PDE1C: variants seen among roughly 807,000 people sequenced by gnomAD.
PDE1C encodes the protein phosphodiesterase 1C, also known as dual specificity calcium/calmodulin-dependent 3',5'-cyclic nucleotide phosphodiesterase 1C.
Under a neutral mutation model 93.1 loss-of-function variants are expected in PDE1C, and 62 were observed. That is an observed-to-expected ratio of 0.67 (90% CI 0.54 to 0.82). The LOEUF (loss-of-function observed/expected upper bound fraction) is 0.82, where lower values mean the gene tolerates loss of function less well. Ranked by LOEUF, PDE1C falls within the 40% of genes least tolerant of loss-of-function variation. PDE1C has a pLI of 0.00. For synonymous variants in PDE1C, 325 were observed against 310.1 expected, an observed-to-expected ratio of 1.05 and a Z score of -0.50; for missense variants, 742 against 884.6, an observed-to-expected ratio of 0.84 and a Z score of 2.04.
At chr7:31,652,553 CTA>C in the PDE1C span, 2 of 1,608,286 alleles carry the variant, frequency 1.2e-6, no homozygotes, top group African/African-American at 2.7e-5. Flanking sequence ...CACCTGAACA[CTA>C]TTCAAATCTG....
At chr7:32,026,497 C>G (rs146608547) in intron 2 of PDE1C, among the ~76,000 whole-genome samples, 1 of 152,102 alleles carries the variant, frequency 6.6e-6, no homozygotes, top group African/African-American at 2.4e-5. Flanking sequence ...CCTATTACAA[C>G]GGCCAAAATA....
At chr7:32,059,180 A>T (rs998039058) in intron 1 of PDE1C, among the ~76,000 whole-genome samples, 5 of 152,182 alleles carry the variant, frequency 3.3e-5, no homozygotes, top group Admixed American at 6.5e-5. Flanking sequence ...ATGTTTAGCC[A>T]AAAGTGATGG....
intron 2 of PDE1C, among the ~76,000 whole-genome samples, chr7:31,905,177 A>C (rs536898787): frequency 1.3e-5 from 2 of 152,282 alleles, no homozygotes; most frequent in Admixed American, 1.3e-4. Flanking sequence ...ATAAAAAGCA[A>C]ACAAGTCACA....
chr7:32,091,777 T>C (rs568989066), intron 3 of PDE1C, among the ~76,000 whole-genome samples: 1 of 152,298 alleles, frequency 6.6e-6, no homozygotes, highest in African/African-American at 2.4e-5. Flanking sequence ...ATTGCAAGAC[T>C]TGGAGCAGAG....
intron 3 of PDE1C, among the ~76,000 whole-genome samples, chr7:32,121,625 G>T (rs1483014491): frequency 6.6e-6 from 1 of 152,082 alleles, no homozygotes; most frequent in African/African-American, 2.4e-5. Flanking sequence ...TTCATGTCCA[G>T]CCAAACTAAG....
intron 11 of PDE1C, 122 bp downstream of exon 11, chr7:31,837,058 G>A: frequency 1.1e-6 from 1 of 884,220 alleles, no homozygotes; most frequent in Non-Finnish European, 1.7e-6. Flanking sequence ...AATCTGTGGA[G>A]CCCCCCTCCC....
In PDE1C at chr7:32,103,204, G is replaced by C. The variant is rs75425255; in HGVS notation, c.308+66581C>G. On this transcript the variant is annotated intron_variant, in intron 3 of 18. Transcript: ENST00000396193. ...CATTAGAGAGTGAGAAATTTCAACAGATATTTGGAAGCAGAAAAGGGAGGG... is the reference window on the plus strand; with the variant it reads ...CATTAGAGAGTGAGAAATTTCAACACATATTTGGAAGCAGAAAAGGGAGGG... 7.1e-3 allele frequency among the ~76,000 whole-genome samples: 1,075 copies of C among 152,306 alleles called. 16 individuals are homozygous for C. Among genetic ancestry groups the C allele is most frequent in the African/African-American group, 0.024 (978 of 41,570 alleles).
intron 1 of PDE1C, among the ~76,000 whole-genome samples, chr7:32,347,659 C>T (rs690247): frequency 0.8 from 121,791 of 152,170 alleles, 49,101 homozygotes; most frequent in Admixed American, 0.85. Context: ...GCTGCTATGT[C>T]AAGGAAGCTC....
chr7:32,117,968 G>A (rs1799077207), intron 3 of PDE1C, among the ~76,000 whole-genome samples: 1 of 152,184 alleles, frequency 6.6e-6, no homozygotes, highest in African/African-American at 2.4e-5. Context: ...TTACCCTAAA[G>A]GAAGCTTTAA....
the PDE1C span, among the ~76,000 whole-genome samples, chr7:31,684,427 A>G: frequency 6.6e-6 from 1 of 152,234 alleles, no homozygotes; most frequent in Non-Finnish European, 1.5e-5. Context: ...TGGACTTTAT[A>G]AAAATTTAAA....
At chr7:31,843,891 T>C (rs1792223143) in intron 9 of PDE1C, among the ~76,000 whole-genome samples, 2 of 151,810 alleles carry the variant, frequency 1.3e-5, no homozygotes, top group Admixed American at 6.6e-5. Flanking sequence ...TCTTTAGCTA[T>C]TATGGTTAAT....
At chr7:31,947,258 T>TAGCTTGGA (rs1434074711) in intron 2 of PDE1C, among the ~76,000 whole-genome samples, 2 of 152,196 alleles carry the variant, frequency 1.3e-5, no homozygotes, top group African/African-American at 4.8e-5. Flanking sequence ...GACCCATCTG[T>TAGCTTGGA]AGCTTGGAGA....
chr7:31,651,262 G>A, the PDE1C span: 5 of 1,612,978 alleles, frequency 3.1e-6, no homozygotes, highest in African/African-American at 5.3e-5. Context: ...CATGTCAGAG[G>A]AGGAAAGGTA....
intron 2 of PDE1C, among the ~76,000 whole-genome samples, chr7:31,889,448 T>C (rs983389655): frequency 6.6e-6 from 1 of 152,252 alleles, no homozygotes; most frequent in African/African-American, 2.4e-5. Flanking sequence ...TACATGTGAT[T>C]GTTCCATTCC....
chr7:32,329,380 A>G (rs1040058812), intron 1 of PDE1C, among the ~76,000 whole-genome samples: 4 of 152,110 alleles, frequency 2.6e-5, no homozygotes, highest in African/African-American at 4.8e-5. Context: ...GGCACCTATT[A>G]TGGAGGCGAT....
At chr7:32,174,210 C>T (rs1802834671) in intron 2 of PDE1C, among the ~76,000 whole-genome samples, 1 of 152,054 alleles carries the variant, frequency 6.6e-6, no homozygotes. Context: ...GAAGGCCTTA[C>T]AAAAAAGTTC....
At chr7:32,163,444 C>T (rs879504227) in intron 3 of PDE1C, among the ~76,000 whole-genome samples, 3 of 152,216 alleles carry the variant, frequency 2.0e-5, no homozygotes, top group Non-Finnish European at 4.4e-5. Flanking sequence ...TGGGATCTGA[C>T]AAGGCCTTAA....
chr7:32,069,735 C>A (rs569165393), intron 1 of PDE1C, among the ~76,000 whole-genome samples: 1 of 152,100 alleles, frequency 6.6e-6, no homozygotes, highest in South Asian at 2.1e-4. Flanking sequence ...ATCGTTTCTG[C>A]CCCCCCTTTC....
At chr7:31,639,908 T>G in the PDE1C span, among the ~76,000 whole-genome samples, 7 of 152,208 alleles carry the variant, frequency 4.6e-5, no homozygotes, top group Non-Finnish European at 1.0e-4. Flanking sequence ...CTTAGGGTGG[T>G]TTCAATTGAT....
Sources: gnomAD v4.1 joint callset for allele counts (sites outside exome capture counted in the v4.1 genomes callset) on GRCh38, gnomAD v4.1.1 for gene constraint, MANE v1.5 for transcripts, NCBI Gene and HGNC (gene_info 2026-07-23, HGNC 2026-07-21) for gene names.